DCT: variants seen among roughly 807,000 people sequenced by gnomAD.
The protein encoded by DCT is dopachrome tautomerase, also known as L-dopachrome tautomerase.
A neutral mutation model predicts 53.0 loss-of-function variants in DCT; 47 were observed. The ratio of observed to expected loss-of-function variants is 0.89; its 90% CI spans 0.70 to 1.13. The LOEUF is 1.13. Ranked by LOEUF, DCT falls within the 50% of genes most tolerant of loss-of-function variation. The pLI is 0.00. For missense variants in DCT, 669 were observed against 637.4 expected, an observed-to-expected ratio of 1.05 and a Z score of -0.53; for synonymous variants, 244 against 237.0, an observed-to-expected ratio of 1.03 and a Z score of -0.27.
the DCT span, among the ~76,000 whole-genome samples, chr13:94,484,854 T>G: frequency 1.3e-5 from 2 of 152,166 alleles, no homozygotes; most frequent in Non-Finnish European, 2.9e-5. Context: ...GGGAATTGAA[T>G]GTAGGAATTT....
the DCT span, among the ~76,000 whole-genome samples, chr13:94,521,515 C>T: frequency 6.6e-6 from 1 of 152,084 alleles, no homozygotes; most frequent in Non-Finnish European, 1.5e-5. Flanking sequence ...GCTAAAAATA[C>T]AAAAATTAGC....
Position 94,468,737 on chromosome 13 carries a change from A to T in DCT, c.595+9T>A. On this transcript the variant is annotated intron_variant, in intron 2 of 7. Coordinates refer to ENST00000377028, the MANE Select transcript of DCT (RefSeq NM_001922.5). ...TAATAATATACCTTCAGCCAAGGAA[A>T]AAACCCACCTAATAATGTATCTCTA... 1 of 1,609,904 alleles carries T rather than the reference A, an allele frequency of 6.2e-7. No individual in the cohort carries two copies. The highest frequency in any genetic ancestry group is 8.5e-7 in the Non-Finnish European group (1 of 1,177,418).
At chr13:94,482,822 G>C (rs1566873636), upstream of DCT, among the ~76,000 whole-genome samples, 2 of 152,034 alleles carry the variant, frequency 1.3e-5, no homozygotes, top group Admixed American at 6.6e-5. Flanking sequence ...TTTCATATTA[G>C]GTTTTATTAA....
the DCT span, among the ~76,000 whole-genome samples, chr13:94,548,319 T>G: frequency 1.3e-5 from 2 of 151,826 alleles, no homozygotes; most frequent in South Asian, 4.2e-4. Context: ...TAATGTCCAA[T>G]TAGAGAATGA....
the DCT span, among the ~76,000 whole-genome samples, chr13:94,490,504 C>CAAAAAAA: frequency 0.034 from 1,215 of 35,460 alleles, 177 homozygotes; most frequent in South Asian, 0.047. Flanking sequence ...GACTCGGTCT[C>CAAAAAAA]AAAAAAAAAA....
intron 4 of DCT, among the ~76,000 whole-genome samples, chr13:94,464,891 T>C (rs1440185140): frequency 2.0e-5 from 3 of 151,506 alleles, no homozygotes; most frequent in Admixed American, 2.0e-4. Flanking sequence ...CAAGCCCCTG[T>C]CCTCCTCAAC....
chr13:94,451,427 G>C (rs1883080289), intron 6 of DCT, among the ~76,000 whole-genome samples: 1 of 152,142 alleles, frequency 6.6e-6, no homozygotes, highest in Non-Finnish European at 1.5e-5. Flanking sequence ...ACTGACAAAA[G>C]GCAAAATTGT....
chr13:94,484,601 G>C (rs1365727719), upstream of DCT, among the ~76,000 whole-genome samples: 4 of 152,156 alleles, frequency 2.6e-5, no homozygotes, highest in Non-Finnish European at 4.4e-5. Context: ...GCATGGGCAG[G>C]GTTGGATTCG....
the DCT span, among the ~76,000 whole-genome samples, chr13:94,534,553 C>G: frequency 1.3e-5 from 2 of 152,224 alleles, no homozygotes; most frequent in Non-Finnish European, 2.9e-5. Flanking sequence ...GCATACAAGT[C>G]AACTACTGGG....
At chr13:94,460,046 A>T (rs930236055) in intron 6 of DCT, 45 bp downstream of exon 6, 70 of 1,581,378 alleles carry the variant, frequency 4.4e-5, no homozygotes, top group Non-Finnish European at 6.0e-5. Context: ...TAAATCTGAC[A>T]TATTATCTAG....
At chr13:94,492,683 C>T in the DCT span, among the ~76,000 whole-genome samples, 12 of 152,186 alleles carry the variant, frequency 7.9e-5, no homozygotes, top group Non-Finnish European at 1.3e-4. Flanking sequence ...ATTTTTTTCA[C>T]ATTATTTATA....
chr13:94,460,040 T>A, intron 6 of DCT, 51 bp downstream of exon 6: 7 of 1,554,960 alleles, frequency 4.5e-6, no homozygotes, highest in Non-Finnish European at 5.3e-6. Context: ...AAAAAATAAA[T>A]CTGACATATT....
At chr13:94,475,596 A>G (rs1020917369) in intron 1 of DCT, among the ~76,000 whole-genome samples, 1 of 152,172 alleles carries the variant, frequency 6.6e-6, no homozygotes, top group African/African-American at 2.4e-5. Context: ...TTTTCTGTAC[A>G]ATATAGTGCC....
chr13:94,530,678 A>G, the DCT span, among the ~76,000 whole-genome samples: 1 of 151,488 alleles, frequency 6.6e-6, no homozygotes, highest in Non-Finnish European at 1.5e-5. Context: ...CCCACAGCCA[A>G]TATCATCCTG....
the DCT span, among the ~76,000 whole-genome samples, chr13:94,543,503 T>C: frequency 6.6e-6 from 1 of 152,210 alleles, no homozygotes; most frequent in Admixed American, 6.5e-5. Flanking sequence ...CTTATCACCC[T>C]GACAGAACAG....
the DCT span, among the ~76,000 whole-genome samples, chr13:94,510,347 G>A: frequency 6.6e-6 from 1 of 152,202 alleles, no homozygotes; most frequent in East Asian, 1.9e-4. Flanking sequence ...CCAAAGTGGA[G>A]AGTTAATGCC....
intron 6 of DCT, among the ~76,000 whole-genome samples, chr13:94,455,992 A>G (rs1883389803): frequency 6.6e-6 from 1 of 152,242 alleles, no homozygotes; most frequent in Non-Finnish European, 1.5e-5. Flanking sequence ...CATGGCTGAG[A>G]AAGCAGACAC....
At chr13:94,451,112 G>T (rs1348708871) in intron 6 of DCT, among the ~76,000 whole-genome samples, 1 of 152,098 alleles carries the variant, frequency 6.6e-6, no homozygotes, top group Non-Finnish European at 1.5e-5. Context: ...CCAGAGAGGG[G>T]TCCAGCCACC....
intron 2 of DCT, 96 bp from the exon 3 acceptor site, chr13:94,466,754 T>C: frequency 1.5e-6 from 1 of 668,676 alleles, no homozygotes; most frequent in South Asian, 3.0e-5. Flanking sequence ...AATAAGTCCA[T>C]GATGTTTTAT....
Sources: gnomAD v4.1 joint callset for allele counts (sites outside exome capture counted in the v4.1 genomes callset) on GRCh38, gnomAD v4.1.1 for gene constraint, MANE v1.5 for transcripts, NCBI Gene and HGNC (gene_info 2026-07-23, HGNC 2026-07-21) for gene names.